Variants in AP3D1 observed in about 807,000 individuals in gnomAD.
AP3D1 encodes the protein adaptor related protein complex 3 subunit delta 1, also known as AP-3 complex subunit delta-1.
A neutral mutation model predicts 147.6 loss-of-function variants in AP3D1; 51 were observed. The observed-to-expected ratio is 0.35, with a 90% CI of 0.28 to 0.44. The LOEUF (loss-of-function observed/expected upper bound fraction) is 0.44. AP3D1 is among the 20% of genes least tolerant of loss of function. AP3D1 has a pLI of 1.00. For synonymous variants in AP3D1, 760 were observed against 663.0 expected (o/e 1.15, Z -2.25); for missense variants, 1,421 against 1,624.2 (o/e 0.87, Z 2.15).
upstream of AP3D1, among the ~76,000 whole-genome samples, chr19:2,155,910 C>A (rs947173025): frequency 6.6e-6 from 1 of 151,420 alleles, no homozygotes; most frequent in African/African-American, 2.4e-5. Context: ...AAAATTAGCC[C>A]GGCTTGGTGG....
intron 31 of AP3D1, among the ~76,000 whole-genome samples, chr19:2,105,106 C>G (rs2018073445): frequency 6.6e-6 from 1 of 152,198 alleles, no homozygotes; most frequent in Admixed American, 6.5e-5. Flanking sequence ...CCTGTGTGGG[C>G]TCAATGGCAG....
At position 2,115,292 on chromosome 19, in the gene AP3D1, G is replaced by A. The variant is rs78506943; in HGVS notation, c.2276C>T (p.Ser759Leu). 86 of 1,613,224 alleles carry A rather than the reference G, an allele frequency of 5.3e-5. No homozygotes were observed. In the African/African-American group the frequency reaches 8.3e-4, roughly 15 times the overall value. The change falls in exon 20 of 32, where the codon TCG (serine) becomes TTG (leucine). Residue 759 changes from serine to leucine, a missense_variant. By Grantham distance (145) the Ser-to-Leu change is moderately radical. Around this residue, in one of 6 missense-constraint regions of AP3D1, gnomAD observed 791 missense variants for 761.4 expected, o/e 1.04. Transcript: ENST00000643116. ...KEKKGKRRHS[S>L]LPTESDEDIA... ...GTCCTCGTCGCTCTCCGTGGGCAGC[G>A]AGCTGTGGCGGCGCTTGCCCTTCTT...
At chr19:2,160,684 A>T (rs2019689693) in intron 1 of AP3D1, among the ~76,000 whole-genome samples, 1 of 152,176 alleles carries the variant, frequency 6.6e-6, no homozygotes, top group African/African-American at 2.4e-5. Context: ...GTACTCAGTG[A>T]TCCTGAGGAT....
At chr19:2,133,970 C>T (rs1277367348) in intron 4 of AP3D1, among the ~76,000 whole-genome samples, 2 of 151,584 alleles carry the variant, frequency 1.3e-5, no homozygotes, top group East Asian at 2.0e-4. Flanking sequence ...TAGTCGGACA[C>T]GGTGGTGCAC....
At chr19:2,122,107 C>T (rs1485790462) in intron 11 of AP3D1, among the ~76,000 whole-genome samples, 2 of 152,198 alleles carry the variant, frequency 1.3e-5, no homozygotes, top group Admixed American at 1.3e-4. Flanking sequence ...TGCCGGCTCC[C>T]TCAGGAAGGC....
At chr19:2,148,146 C>CAAAAAAA (rs5826756) in intron 1 of AP3D1, among the ~76,000 whole-genome samples, 4 of 98,122 alleles carry the variant, frequency 4.1e-5, no homozygotes, top group African/African-American at 8.4e-5. Flanking sequence ...GACTCCGTCT[C>CAAAAAAA]AAAAAAAAAA....
At chr19:2,103,310 G>A (rs145576035) in intron 31 of AP3D1, among the ~76,000 whole-genome samples, 13 of 152,270 alleles carry the variant, frequency 8.5e-5, no homozygotes, top group African/African-American at 3.1e-4. Context: ...ATAGAAGTGG[G>A]AGCCGGCACC....
At chr19:2,158,400 G>A (rs771732303) in intron 1 of AP3D1, among the ~76,000 whole-genome samples, 25 of 148,308 alleles carry the variant, frequency 1.7e-4, no homozygotes, top group Admixed American at 7.5e-4. Context: ...TCTGTTCCCT[G>A]GGTTGTAGTG....
At position 2,112,839 on chromosome 19, in the gene AP3D1, CT is replaced by C; in HGVS notation, c.2787+20del. On this transcript the variant is annotated intron_variant, in intron 24 of 31. Coordinates refer to ENST00000643116, the MANE Select transcript of AP3D1 (RefSeq NM_001261826.3). Reference sequence around the variant, plus strand: ...GGGCTCATGCAGCCCTCCACAGCCCCTGGGGGAGTGACAGCCTCACCTTGTC... The same window carrying C: ...GGGCTCATGCAGCCCTCCACAGCCCCGGGGGAGTGACAGCCTCACCTTGTC... The C allele has an allele frequency of 6.3e-7, 1 of 1,594,994 alleles. No individual in the cohort carries two copies. Among genetic ancestry groups the C allele is most frequent in the East Asian group, 2.2e-5 (1 of 44,536 alleles).
chr19:2,129,566 G>A (rs1034989571), intron 6 of AP3D1, 109 bp from the exon 7 acceptor site: 3 of 1,356,056 alleles, frequency 2.2e-6, no homozygotes, highest in Non-Finnish European at 3.0e-6. Flanking sequence ...AGCTCCCACT[G>A]AACATGGCCC....
At chr19:2,147,600 GAAAA>G (rs1426273638) in intron 1 of AP3D1, among the ~76,000 whole-genome samples, 1 of 150,580 alleles carries the variant, frequency 6.6e-6, no homozygotes, top group Non-Finnish European at 1.5e-5. Flanking sequence ...AAAGAAAAAA[GAAAA>G]AGAATATATG....
rs1272052051 is a variant in AP3D1, at chr19:2,111,691, C to T, written c.2925G>A (p.Glu975=). 6.3e-7 allele frequency: 1 copy of T among 1,593,448 alleles called. No individual in the cohort carries two copies. Among genetic ancestry groups the T allele is most frequent in the Non-Finnish European group, 8.5e-7 (1 of 1,172,156 alleles). ...AAGTACCCCTCACCGGGAGCTGCTC[C>T]TCCTCTGGCGCGCCATTCTGCACCG... ...GEPVQNGAPE[E]EQLPPESSYS... Residue 975 remains glutamate (E), a synonymous_variant, in exon 25 of 32, where the codon GAG becomes GAA. Transcript: ENST00000643116.
rs776242467 is a variant in AP3D1, at chr19:2,115,437, C to G, written c.2150-19G>C. ...GGCAGCCCTGCGGGCCGGCAGCGGG[C>G]AGCCACTCAGCACTGCACCCCAGGG... On this transcript the variant is annotated intron_variant, in intron 19 of 31. Coordinates refer to ENST00000643116, the MANE Select transcript of AP3D1 (RefSeq NM_001261826.3). 6.2e-7 allele frequency: 1 copy of G among 1,608,274 alleles called. No homozygotes were observed. Among genetic ancestry groups the G allele is most frequent in the African/African-American group, 1.3e-5 (1 of 74,930 alleles).
At chr19:2,142,225 C>T (rs1374004039) in intron 1 of AP3D1, among the ~76,000 whole-genome samples, 2 of 152,006 alleles carry the variant, frequency 1.3e-5, no homozygotes, top group African/African-American at 2.4e-5. Context: ...GTTGGCCAGG[C>T]TGGTCTTGAA....
intron 4 of AP3D1, chr19:2,133,401 T>C (rs1212554082): frequency 6.6e-6 from 1 of 152,176 alleles, no homozygotes; most frequent in Non-Finnish European, 1.5e-5. Context: ...ACAAACCTGC[T>C]CTTGGGGAGA....
Position 2,114,795 on chromosome 19 carries a change from G to C in AP3D1, c.2376C>G (p.Asp792Glu), listed in dbSNP as rs745451033. Residue 792 changes from aspartate to glutamate, a missense_variant, in exon 21 of 32, where the codon GAC becomes GAG. By Grantham distance (45) the Asp-to-Glu change is conservative. This residue lies in a region of AP3D1 where 791 missense variants were observed against 761.4 expected (regional missense o/e 1.04). Transcript: ENST00000643116. ...CCCTGTAGGGGTCGTTGGGGTCTTT[G>C]TCATCCTCGTCGCTGGGCAGAGCAT... ...PENALPSDED[D>E]KDPNDPYRAL... is the part of the protein sequence containing the mutation. 11 of 1,614,110 alleles carry C rather than the reference G, an allele frequency of 6.8e-6. No homozygotes were observed. The highest frequency in any genetic ancestry group is 5.0e-5 in the Admixed American group (3 of 60,026).
intron 1 of AP3D1, among the ~76,000 whole-genome samples, chr19:2,149,038 C>T (rs958060838): frequency 1.3e-5 from 2 of 152,048 alleles, no homozygotes; most frequent in Non-Finnish European, 2.9e-5. Context: ...CAGTCATTTG[C>T]TGCTCTCCAA....
intron 24 of AP3D1, chr19:2,112,630 A>G: frequency 4.0e-6 from 2 of 497,692 alleles, no homozygotes; most frequent in Non-Finnish European, 7.1e-6. Flanking sequence ...ACCACTGTAT[A>G]CATACTTCAA....
At chr19:2,160,772 T>C (rs1489824590) in intron 1 of AP3D1, among the ~76,000 whole-genome samples, 1 of 152,120 alleles carries the variant, frequency 6.6e-6, no homozygotes, top group Non-Finnish European at 1.5e-5. Context: ...ATCTCTCCCC[T>C]GGAGAACCAC....
Sources: allele counts gnomAD v4.1 joint callset (sites outside exome capture counted in the v4.1 genomes callset), GRCh38; gene constraint gnomAD v4.1.1; regional missense constraint gnomAD v4.1.1; transcripts MANE v1.5; gene names NCBI Gene and HGNC (gene_info 2026-07-23, HGNC 2026-07-21).